The following RAB1A variants were observed in gnomAD, a reference collection of about 807,000 sequenced individuals.
RAB1A encodes the protein RAB1A, member RAS oncogene family, also known as ras-related protein Rab-1A.
In RAB1A, 2 loss-of-function variants were observed where a neutral mutation model predicts 26.0. The observed-to-expected ratio is 0.08, with a 90% CI of 0.03 to 0.24. RAB1A has a LOEUF of 0.24. Among genes scored for constraint, RAB1A ranks in the 10% least tolerant of loss-of-function variants. The pLI is 1.00. For missense variants in RAB1A, 100 were observed against 247.0 expected (o/e 0.40, Z 3.99); for synonymous variants, 84 against 84.9 (o/e 0.99, Z 0.06).
At chr2:65,092,462 G>T (rs915327743) in intron 3 of RAB1A, among the ~76,000 whole-genome samples, 3 of 152,226 alleles carry the variant, frequency 2.0e-5, no homozygotes, top group Middle Eastern at 6.8e-3. Flanking sequence ...ACAGCTAAAG[G>T]GGTTTAAATG....
In RAB1A at chr2:65,119,254, C is replaced by T. The variant is rs1669896448; in HGVS notation, c.23+10639G>A. ...GGTGTGGTGGCTCACACCTGTAATC[C>T]CAGCACTTTGGGAGGCCAAGGCAGG... On this transcript the variant is annotated intron_variant, in intron 1 of 5. Coordinates refer to ENST00000409784, the MANE Select transcript of RAB1A (RefSeq NM_004161.5). 2.6e-5 allele frequency among the ~76,000 whole-genome samples: 4 copies of T among 151,528 alleles called. No homozygotes were observed. The South Asian group carries it at 6.3e-4, about 24-fold the overall frequency.
intron 1 of RAB1A, among the ~76,000 whole-genome samples, chr2:65,115,344 A>G (rs1269817410): frequency 6.6e-6 from 1 of 152,210 alleles, no homozygotes; most frequent in African/African-American, 2.4e-5. Flanking sequence ...ACTACATACT[A>G]TTTTAATAAC....
intron 1 of RAB1A, among the ~76,000 whole-genome samples, chr2:65,125,195 T>A (rs1670069303): frequency 6.6e-6 from 1 of 152,148 alleles, no homozygotes; most frequent in Non-Finnish European, 1.5e-5. Context: ...TACTTTAAAC[T>A]TTTTCTGCAT....
intron 1 of RAB1A, among the ~76,000 whole-genome samples, chr2:65,111,697 G>T (rs1367196247): frequency 6.6e-6 from 1 of 152,170 alleles, no homozygotes; most frequent in Non-Finnish European, 1.5e-5. Flanking sequence ...GGAAAGAAGG[G>T]TATACAAGAA....
intron 1 of RAB1A, among the ~76,000 whole-genome samples, chr2:65,119,354 A>C (rs564703168): frequency 6.6e-6 from 1 of 152,164 alleles, no homozygotes; most frequent in South Asian, 2.1e-4. Context: ...AAAAATACAC[A>C]AAATTAGCCG....
chr2:65,114,094 A>G (rs775804030), intron 1 of RAB1A: 1 of 439,670 alleles, frequency 2.3e-6, no homozygotes, highest in Non-Finnish European at 4.4e-6. Context: ...ACAGACAGCA[A>G]TGGCATACTC....
rs57642294 is a variant in RAB1A at position 65,093,624 on chromosome 2, ATT to A, written c.193-2548_193-2547del. ...ATTAAAAGTAAAATCTTGTGTTTAG[ATT>A]TTTTTTTTTTTTTTTCAGACGGAGT... On this transcript the variant is annotated intron_variant, in intron 3 of 5. Transcript: ENST00000409784. 0.023 allele frequency among the ~76,000 whole-genome samples: 3,216 copies of A among 142,616 alleles called. 188 individuals carry two copies. In the East Asian group the frequency reaches 0.23, roughly 10 times the overall value. The allele number at this position is 142,616 out of a possible 152,430, so 93.6% of individuals were successfully genotyped here.
chr2:65,104,312 C>G (rs903892774), intron 2 of RAB1A, among the ~76,000 whole-genome samples: 1 of 152,138 alleles, frequency 6.6e-6, no homozygotes, highest in Admixed American at 6.5e-5. Context: ...TCCTTCCACC[C>G]TCAGCACCCT....
intron 3 of RAB1A, 128 bp from the exon 4 acceptor site, chr2:65,091,206 T>C (rs932243897): frequency 2.9e-6 from 2 of 679,634 alleles, no homozygotes; most frequent in South Asian, 4.0e-5. Flanking sequence ...ATAGAAACAT[T>C]AGTCCTCAAC....
chr2:65,124,172 A>G (rs1454595162), intron 1 of RAB1A, among the ~76,000 whole-genome samples: 2 of 152,112 alleles, frequency 1.3e-5, no homozygotes, highest in African/African-American at 4.8e-5. Flanking sequence ...TTTTTAGTAG[A>G]GGCAGGGTTT....
At chr2:65,111,448 A>T (rs1440518983) in intron 1 of RAB1A, among the ~76,000 whole-genome samples, 3 of 152,200 alleles carry the variant, frequency 2.0e-5, no homozygotes, top group Non-Finnish European at 4.4e-5. Flanking sequence ...CACTCTTCAA[A>T]CTTGTCAAGA....
intron 2 of RAB1A, among the ~76,000 whole-genome samples, chr2:65,103,304 A>AAAAAAAAAACAAAAAAAC (rs1553392777): frequency 3.6e-5 from 4 of 112,502 alleles, no homozygotes; most frequent in Non-Finnish European, 3.6e-5. Context: ...TGTCTCAAAA[A>AAAAAAAAAACAAAAAAAC]AAAAAAAAAA....
chr2:65,092,753 C>T (rs1647396981), intron 3 of RAB1A, among the ~76,000 whole-genome samples: 1 of 152,208 alleles, frequency 6.6e-6, no homozygotes, highest in South Asian at 2.1e-4. Context: ...ACTGGGACTA[C>T]AGGCACTGAT....
At chr2:65,093,284 C>T (rs988910817) in intron 3 of RAB1A, among the ~76,000 whole-genome samples, 4 of 152,156 alleles carry the variant, frequency 2.6e-5, no homozygotes, top group African/African-American at 9.6e-5. Context: ...CCATTGTCTG[C>T]CTCCTAATGG....
At chr2:65,099,818 G>A (rs1029608919) in intron 2 of RAB1A, among the ~76,000 whole-genome samples, 2 of 152,054 alleles carry the variant, frequency 1.3e-5, no homozygotes, top group African/African-American at 4.8e-5. Flanking sequence ...GCTACATAGA[G>A]CTAGTAGCTA....
chr2:65,103,264 C>G (rs2103845470), intron 2 of RAB1A, among the ~76,000 whole-genome samples: 1 of 130,594 alleles, frequency 7.7e-6, no homozygotes, highest in African/African-American at 3.0e-5. Flanking sequence ...GACGCCACTG[C>G]ACTCTAGCCT....
chr2:65,113,526 T>TA (rs1404896639), intron 1 of RAB1A, among the ~76,000 whole-genome samples: 2 of 151,986 alleles, frequency 1.3e-5, no homozygotes, highest in Non-Finnish European at 1.5e-5. Context: ...ATAAATAAAA[T>TA]AAAAAATATA....
intron 1 of RAB1A, among the ~76,000 whole-genome samples, chr2:65,119,490 G>A (rs546930252): frequency 1.2e-4 from 18 of 151,048 alleles, no homozygotes; most frequent in South Asian, 4.2e-4. Flanking sequence ...CTGGGTGGGA[G>A]GCAGAAGTTG....
intron 1 of RAB1A, 134 bp downstream of exon 1, chr2:65,129,759 C>G: frequency 7.1e-7 from 1 of 1,411,786 alleles, no homozygotes; most frequent in Non-Finnish European, 9.7e-7. Flanking sequence ...CTCCCGGCCG[C>G]CAGCCTCTCC....
Sources: allele counts gnomAD v4.1 joint callset (sites outside exome capture counted in the v4.1 genomes callset), GRCh38; gene constraint gnomAD v4.1.1; transcripts MANE v1.5; gene names NCBI Gene and HGNC (gene_info 2026-07-23, HGNC 2026-07-21).